Variants in CEP170 observed in about 807,000 individuals in gnomAD.
The protein encoded by CEP170 is centrosomal protein 170.
Under a neutral mutation model 151.9 loss-of-function variants are expected in CEP170, and 21 were observed. That is an observed-to-expected ratio of 0.14 (90% confidence interval 0.10 to 0.20). The LOEUF (loss-of-function observed/expected upper bound fraction) is 0.20, where lower values mean the gene tolerates loss of function less well. Among genes scored for constraint, CEP170 ranks in the 10% least tolerant of loss-of-function variants. The pLI is 1.00. For synonymous variants in CEP170, 356 were observed against 648.8 expected (o/e 0.55, Z 6.86); for missense variants, 964 against 1,892.9 (o/e 0.51, Z 9.11).
intron 3 of CEP170, among the ~76,000 whole-genome samples, chr1:243,216,576 T>C (rs1263165907): frequency 6.6e-6 from 1 of 152,178 alleles, no homozygotes; most frequent in African/African-American, 2.4e-5. Context: ...AGGGATTAGG[T>C]TATTAAACTC....
chr1:243,211,098 A>C (rs2061761147), intron 4 of CEP170: 2 of 150,392 alleles, frequency 1.3e-5, no homozygotes, highest in South Asian at 4.2e-4. Context: ...AATTCAAAAA[A>C]ACTAAAACTC....
chr1:243,200,914 A>C, intron 4 of CEP170, 79 bp from the exon 5 acceptor site: 1 of 1,507,042 alleles, frequency 6.6e-7, no homozygotes, highest in Admixed American at 2.3e-5. Context: ...TAATTTAGAA[A>C]TTGTTCTATT....
intron 1 of CEP170, among the ~76,000 whole-genome samples, chr1:243,227,880 T>C (rs1267985156): frequency 6.6e-6 from 1 of 152,238 alleles, no homozygotes; most frequent in Admixed American, 6.5e-5. Flanking sequence ...GCTTGGTCAT[T>C]AAGGGAATAA....
chr1:243,146,598 C>T (rs2056514215), intron 14 of CEP170, among the ~76,000 whole-genome samples: 1 of 151,480 alleles, frequency 6.6e-6, no homozygotes, highest in African/African-American at 2.4e-5. Flanking sequence ...AGTGATTACT[C>T]ACTCATGCTC....
chr1:243,216,308 C>T (rs1281945808), intron 3 of CEP170, among the ~76,000 whole-genome samples: 2 of 152,096 alleles, frequency 1.3e-5, no homozygotes, highest in East Asian at 3.9e-4. Flanking sequence ...CCCATTAACT[C>T]GTCATTTAGC....
intron 18 of CEP170, 139 bp from the exon 19 acceptor site, chr1:243,128,439 T>A: frequency 1.8e-6 from 1 of 545,264 alleles, no homozygotes; most frequent in Non-Finnish European, 3.0e-6. Context: ...AGCAACATGA[T>A]ATGAAATAAT....
chr1:243,128,354 T>G (rs2053954640), intron 18 of CEP170, 54 bp from the exon 19 acceptor site: 1 of 1,470,408 alleles, frequency 6.8e-7, no homozygotes, highest in Non-Finnish European at 9.2e-7. Context: ...ATGTTATCAC[T>G]TTACAAGCAA....
intron 4 of CEP170, among the ~76,000 whole-genome samples, 162 bp from the exon 5 acceptor site, chr1:243,200,997 A>T (rs2060992830): frequency 6.6e-6 from 1 of 152,096 alleles, no homozygotes. Context: ...TCACCAATGT[A>T]AACATTTTCA....
At chr1:243,169,051 T>C (rs1187288216) in intron 12 of CEP170, among the ~76,000 whole-genome samples, 1 of 151,420 alleles carries the variant, frequency 6.6e-6, no homozygotes. Flanking sequence ...CACACACCTA[T>C]ATATGCTTCA....
intron 4 of CEP170, among the ~76,000 whole-genome samples, chr1:243,210,695 A>G (rs2061731048): frequency 7.6e-6 from 1 of 131,258 alleles, no homozygotes; most frequent in African/African-American, 2.8e-5. Flanking sequence ...GCTCACTGCA[A>G]CCTCTGCCTC....
chr1:243,230,985 C>G (rs1558659415), intron 1 of CEP170, among the ~76,000 whole-genome samples: 1 of 151,784 alleles, frequency 6.6e-6, no homozygotes, highest in Non-Finnish European at 1.5e-5. Flanking sequence ...ATTTTGAAAA[C>G]AGTGACAGAA....
At chr1:243,253,960 T>C (rs953284230) in intron 1 of CEP170, among the ~76,000 whole-genome samples, 3 of 152,208 alleles carry the variant, frequency 2.0e-5, no homozygotes, top group African/African-American at 7.2e-5. Context: ...TTGTTTGTTT[T>C]ACTTGCTTAA....
At chr1:243,190,566 AATG>A (rs2060248839) in intron 8 of CEP170, among the ~76,000 whole-genome samples, 1 of 152,184 alleles carries the variant, frequency 6.6e-6, no homozygotes, top group South Asian at 2.1e-4. Context: ...GCGCTCCATC[AATG>A]ATGTGACTGC....
chr1:243,169,682 G>A lies in CEP170; in HGVS notation c.1789C>T (p.His597Tyr). ...WASLAANHTRHDQEERIMEFS... is the reference protein window; with the variant it reads ...WASLAANHTRYDQEERIMEFS... Reference sequence around the variant, plus strand: ...TCCATTATCCTTTCTTCTTGATCATGCCTTGTATGATTGGCAGCCAAACTA... The same window carrying A: ...TCCATTATCCTTTCTTCTTGATCATACCTTGTATGATTGGCAGCCAAACTA... Residue 597 changes from histidine (H) to tyrosine (Y), a missense_variant, in exon 12 of 20, where the codon CAT becomes TAT. Coordinates refer to ENST00000366542, the MANE Select transcript of CEP170 (RefSeq NM_014812.3). 1 of 1,613,344 alleles carries A rather than the reference G, an allele frequency of 6.2e-7. No individual in the cohort carries two copies. The highest frequency in any genetic ancestry group is 8.5e-7 in the Non-Finnish European group (1 of 1,179,588).
intron 4 of CEP170, among the ~76,000 whole-genome samples, chr1:243,210,699 C>T (rs1449732494): frequency 1.4e-5 from 2 of 144,336 alleles, no homozygotes; most frequent in Non-Finnish European, 1.5e-5. Flanking sequence ...ACTGCAACCT[C>T]TGCCTCCTGG....
At chr1:243,171,342 A>C (rs1437321698) in intron 11 of CEP170, among the ~76,000 whole-genome samples, 1 of 152,222 alleles carries the variant, frequency 6.6e-6, no homozygotes, top group Non-Finnish European at 1.5e-5. Context: ...AAACAATTTT[A>C]ACATTAATAA....
chr1:243,230,297 C>T (rs1416985303), intron 1 of CEP170, among the ~76,000 whole-genome samples: 1 of 151,778 alleles, frequency 6.6e-6, no homozygotes, highest in Admixed American at 6.6e-5. Flanking sequence ...TGAAACACTG[C>T]CTCAAAACAA....
rs1558346921 is a variant in CEP170, at chr1:243,126,508, T to C, written c.4696A>G (p.Ile1566Val). The change falls in exon 20 of 20, where the codon ATA becomes GTA. Residue 1566 changes from isoleucine to valine, a missense_variant. By Grantham distance (29) the Ile-to-Val change is conservative (BLOSUM62 3). Transcript: ENST00000366542. ...TCGGGGTTGAATCTATTGAAATGTA[T>C]ACTGAAATCAGCCTCAGATTCAGCA... ...ENAESEADFS[I>V]HFNRFNPDGE... 1 of 1,608,564 alleles carries C rather than the reference T, an allele frequency of 6.2e-7. No homozygotes were observed. Among genetic ancestry groups the C allele is most frequent in the Non-Finnish European group, 8.5e-7 (1 of 1,177,036 alleles).
chr1:243,245,941 G>A (rs1170361033), intron 1 of CEP170, among the ~76,000 whole-genome samples: 5 of 149,052 alleles, frequency 3.4e-5, no homozygotes, highest in African/African-American at 1.2e-4. Context: ...GCGGGACCTC[G>A]TCTCAAAAAA....
Sources: allele counts gnomAD v4.1 joint callset (sites outside exome capture counted in the v4.1 genomes callset), GRCh38; gene constraint gnomAD v4.1.1; transcripts MANE v1.5; gene names NCBI Gene and HGNC (gene_info 2026-07-23, HGNC 2026-07-21).